The following LRP2 variants were observed in gnomAD, a reference collection of about 807,000 sequenced individuals.
LRP2 encodes the protein low-density lipoprotein receptor-related protein 2.
Under a neutral mutation model 531.0 loss-of-function variants are expected in LRP2, and 172 were observed. The ratio of observed to expected loss-of-function variants is 0.32; its 90% CI spans 0.29 to 0.37. The LOEUF (loss-of-function observed/expected upper bound fraction) is 0.37. Among genes scored for constraint, LRP2 ranks in the 10% least tolerant of loss-of-function variants. The probability of loss-of-function intolerance (pLI) is 1.00; values close to 1 mark genes in which losing one functional copy is unlikely to be tolerated. For synonymous variants in LRP2, 1,992 were observed against 2,027.6 expected, an observed-to-expected ratio of 0.98 and a Z score of 0.47; for missense variants, 5,167 against 5,868.3, an observed-to-expected ratio of 0.88 and a Z score of 3.90.
chr2:169,176,063 T>C (rs538409311), intron 54 of LRP2, among the ~76,000 whole-genome samples: 21 of 152,326 alleles, frequency 1.4e-4, no homozygotes, highest in South Asian at 4.1e-4. Context: ...GGCATAGACA[T>C]GGAAAAGACA....
intron 1 of LRP2, among the ~76,000 whole-genome samples, chr2:169,321,316 G>C (rs900736430): frequency 5.9e-5 from 9 of 152,088 alleles, no homozygotes; most frequent in Admixed American, 3.3e-4. Context: ...ACAATAAAAG[G>C]ATTAAATTTG....
intron 1 of LRP2, among the ~76,000 whole-genome samples, chr2:169,330,045 G>C (rs867743586): frequency 9.9e-5 from 15 of 152,182 alleles, no homozygotes; most frequent in African/African-American, 3.4e-4. Context: ...TCTAATGCCT[G>C]ATAATCTGAG....
chr2:169,312,330 GT>G (rs1443916232), intron 3 of LRP2, among the ~76,000 whole-genome samples: 1 of 152,160 alleles, frequency 6.6e-6, no homozygotes, highest in Non-Finnish European at 1.5e-5. Flanking sequence ...TGTTTTTGCA[GT>G]GGCTGGTACC....
intron 66 of LRP2, among the ~76,000 whole-genome samples, chr2:169,153,411 CA>C (rs1382436131): frequency 6.6e-6 from 1 of 152,130 alleles, no homozygotes; most frequent in Non-Finnish European, 1.5e-5. Flanking sequence ...GGACAGCAGG[CA>C]TGTTAAAAGC....
rs1684077257 is a variant in LRP2, at chr2:169,294,199, C to T, written c.601G>A (p.Val201Ile). 1 of 1,614,058 alleles carries T rather than the reference C, an allele frequency of 6.2e-7. No homozygotes were observed. The highest frequency in any genetic ancestry group is 8.5e-7 in the Non-Finnish European group (1 of 1,179,940). Residue 201 changes from valine to isoleucine, a missense_variant, in exon 6 of 79, where the codon GTC (valine) becomes ATC (isoleucine). By Grantham distance (29) the Val-to-Ile change is conservative (BLOSUM62 3). Around this residue, in one of 6 missense-constraint regions of LRP2, gnomAD observed 2,811 missense variants for 3,058.0 expected, o/e 0.92. Transcript: ENST00000649046. Reference sequence around the variant, plus strand: ...TGGCAATCATTGTCATGGTCACAGACATAAGCACGAGGGATACACTCTCCA... The same window carrying T: ...TGGCAATCATTGTCATGGTCACAGATATAAGCACGAGGGATACACTCTCCA... ...GNGECIPRAYVCDHDNDCQDG... is the reference protein window; with the variant it reads ...GNGECIPRAYICDHDNDCQDG...
At chr2:169,286,032 C>G (rs897664067) in intron 9 of LRP2, among the ~76,000 whole-genome samples, 4 of 152,204 alleles carry the variant, frequency 2.6e-5, no homozygotes, top group Non-Finnish European at 5.9e-5. Context: ...ACCAAAGCAA[C>G]AATTCCCCTA....
chr2:169,140,679 T>TC, intron 71 of LRP2, 134 bp from the exon 72 acceptor site: 1 of 648,342 alleles, frequency 1.5e-6, no homozygotes. Flanking sequence ...AAGCTTACCT[T>TC]CCCCCTAAGT....
chr2:169,311,116 G>T (rs13004992), intron 3 of LRP2, among the ~76,000 whole-genome samples: 1 of 151,936 alleles, frequency 6.6e-6, no homozygotes, highest in African/African-American at 2.4e-5. Context: ...TCTTCCTAGT[G>T]GTCTATCAAT....
chr2:169,219,560 C>G (rs534640817), intron 34 of LRP2, among the ~76,000 whole-genome samples: 52 of 152,244 alleles, frequency 3.4e-4, no homozygotes, highest in Non-Finnish European at 5.6e-4. Context: ...TTCTTTCACT[C>G]CCTTCCTCAG....
chr2:169,291,000 G>GT lies in LRP2; in HGVS notation c.770-4dup, dbSNP rs781016934. On this transcript the variant is annotated splice_region_variant and splice_polypyrimidine_tract_variant and intron_variant, in intron 7 of 78. Coordinates refer to ENST00000649046, the MANE Select transcript of LRP2 (RefSeq NM_004525.3). ...ATGAACATCATGAGGACCGCTTTCT[G>GT]TGGGGGGAAAAAGAGAGAGTTACAG... The GT allele has an allele frequency of 5.6e-6, 9 of 1,613,632 alleles. No individual in the cohort carries two copies. The African/African-American group carries it at 1.1e-4, about 19-fold the overall frequency.
chr2:169,195,289 C>T (rs566451794), intron 46 of LRP2, among the ~76,000 whole-genome samples: 498 of 152,072 alleles, frequency 3.3e-3, no homozygotes, highest in Non-Finnish European at 6.1e-3. Context: ...AAGCTAATTG[C>T]AGAAAATATG....
At chr2:169,217,547 T>G (rs1336600113) in intron 34 of LRP2, among the ~76,000 whole-genome samples, 3 of 152,142 alleles carry the variant, frequency 2.0e-5, no homozygotes, top group Non-Finnish European at 4.4e-5. Flanking sequence ...GGGTTCCCAT[T>G]GTGTCTAAGC....
chr2:169,166,301 A>C (rs555221054), intron 61 of LRP2, among the ~76,000 whole-genome samples: 195 of 152,342 alleles, frequency 1.3e-3, no homozygotes, highest in African/African-American at 4.4e-3. Context: ...TCTAGTAGAG[A>C]AACAGGCTTT....
intron 1 of LRP2, among the ~76,000 whole-genome samples, chr2:169,327,443 A>G (rs7593536): frequency 7.4e-4 from 43 of 58,248 alleles, no homozygotes; most frequent in East Asian, 1.3e-3. Context: ...AGGTGGGGGG[A>G]TCAGCACCCC....
At chr2:169,275,365 A>C (rs1488572348) in intron 13 of LRP2, 127 bp from the exon 14 acceptor site, 20 of 741,590 alleles carry the variant, frequency 2.7e-5, no homozygotes, top group Non-Finnish European at 4.5e-5. Flanking sequence ...CGGAATAGAT[A>C]GAAAAGATAC....
intron 4 of LRP2, among the ~76,000 whole-genome samples, chr2:169,299,016 G>A (rs1421281400): frequency 2.0e-5 from 3 of 146,732 alleles, no homozygotes; most frequent in African/African-American, 7.5e-5. Context: ...TCAATAAAAA[G>A]TTATATAAAA....
rs192713286 is a variant in LRP2, at chr2:169,189,837, G to T, written c.9033-1572C>A. 3.8e-4 allele frequency among the ~76,000 whole-genome samples: 57 copies of T among 151,934 alleles called. No homozygotes were observed. In the East Asian group the frequency reaches 0.01, roughly 27 times the overall value. On this transcript the variant is annotated intron_variant, in intron 48 of 78. Coordinates refer to ENST00000649046, the MANE Select transcript of LRP2 (RefSeq NM_004525.3). ...CTCTTCTACTATAGCCCTTTTCAAG[G>T]AAATTCAGAAAGCTCAAGGAAAAAA... is the stretch of plus-strand genomic sequence containing the variant.
intron 31 of LRP2, among the ~76,000 whole-genome samples, chr2:169,227,112 T>A (rs1011210472): frequency 6.6e-6 from 1 of 152,190 alleles, no homozygotes; most frequent in Non-Finnish European, 1.5e-5. Context: ...ATAAATCCAA[T>A]GTATAATCCT....
In LRP2 at chr2:169,193,972, G is replaced by T. The variant is rs73971311; in HGVS notation, c.8699-80C>A. The T allele has an allele frequency of 0.011, 17,185 of 1,524,258 alleles. 1,454 individuals are homozygous for T. In the African/African-American group the frequency reaches 0.19, roughly 17 times the overall value. 94.4% of individuals were successfully genotyped at this position (1,524,258 alleles called of 1,614,324 possible). Reference sequence around the variant, plus strand: ...CTGGAGACAAGCTGGTTGTAGCATGGGTTGTCTAGAAAACCTGAAACAGAG... The same window carrying T: ...CTGGAGACAAGCTGGTTGTAGCATGTGTTGTCTAGAAAACCTGAAACAGAG... On this transcript the variant is annotated intron_variant, in intron 46 of 78. Transcript: ENST00000649046.
Sources: gnomAD v4.1 joint callset for allele counts (sites outside exome capture counted in the v4.1 genomes callset) on GRCh38, gnomAD v4.1.1 for gene constraint, gnomAD v4.1.1 regional missense constraint, MANE v1.5 for transcripts, NCBI Gene and HGNC (gene_info 2026-07-23, HGNC 2026-07-21) for gene names.